Variants in INPP5F observed in about 807,000 individuals in gnomAD.
The protein encoded by INPP5F is phosphatidylinositide 4-phosphatase SAC2.
In INPP5F, 97 loss-of-function variants were observed where a neutral mutation model predicts 137.2. The observed-to-expected ratio is 0.71, with a 90% CI of 0.60 to 0.84. INPP5F has a LOEUF of 0.84. INPP5F is among the 40% of genes least tolerant of loss of function. INPP5F has a pLI of 0.00. For missense variants in INPP5F, 1,271 were observed against 1,371.9 expected, an observed-to-expected ratio of 0.93 and a Z score of 1.16; for synonymous variants, 504 against 476.9, an observed-to-expected ratio of 1.06 and a Z score of -0.74.
intron 1 of INPP5F, among the ~76,000 whole-genome samples, chr10:119,731,840 T>C (rs1422403554): frequency 3.3e-5 from 5 of 152,214 alleles, no homozygotes; most frequent in Admixed American, 3.3e-4. Flanking sequence ...ACTAGTTTTA[T>C]ATCTTATACT....
In INPP5F at chr10:119,796,810, G is replaced by C. The variant is rs2134222634; in HGVS notation, c.765G>C (p.Glu255Asp). ...ATTATACCGAATCATCTGATGATGA[G>C]AAAAGCAGCCCAGAGACCCCCCCTC... ...VVNYTESSDD[E>D]KSSPETPPQE... Residue 255 changes from glutamate (E) to aspartate (D), a missense_variant, in exon 7 of 20, where the codon GAG (glutamate) becomes GAC (aspartate). Physicochemically the swap from Glu to Asp is conservative, Grantham distance 45. Coordinates refer to ENST00000650623, the MANE Select transcript of INPP5F (RefSeq NM_014937.4). 1 of 1,613,462 alleles carries C rather than the reference G, an allele frequency of 6.2e-7. No individual in the cohort carries two copies. The highest frequency in any genetic ancestry group is 8.5e-7 in the Non-Finnish European group (1 of 1,179,706).
At chr10:119,739,490 C>A (rs922989793) in intron 1 of INPP5F, among the ~76,000 whole-genome samples, 1 of 152,104 alleles carries the variant, frequency 6.6e-6, no homozygotes, top group East Asian at 1.9e-4. Flanking sequence ...TTATTTGATG[C>A]TTATTTTTTA....
At chr10:119,822,008 A>G (rs1329706464) in intron 16 of INPP5F, among the ~76,000 whole-genome samples, 1 of 151,404 alleles carries the variant, frequency 6.6e-6, no homozygotes, top group East Asian at 1.9e-4. Flanking sequence ...CTCCTGCTTC[A>G]GCCTCCTGAG....
At position 119,787,559 on chromosome 10, in the gene INPP5F, C is replaced by CA. The variant is rs1258730895; in HGVS notation, c.316-3957dup. 6.8e-6 allele frequency among the ~76,000 whole-genome samples: 1 copy of CA among 147,322 alleles called. No homozygotes were observed. The highest frequency in any genetic ancestry group is 1.5e-5 in the Non-Finnish European group (1 of 67,368). ...CGCCATTGCACTCTAGCTTGGGTGA[C>CA]AGAGTGCGACTCTGTCTCAAAGAAG... is the stretch of plus-strand genomic sequence containing the variant. On this transcript the variant is annotated intron_variant, in intron 3 of 19. Coordinates refer to ENST00000650623, the MANE Select transcript of INPP5F (RefSeq NM_014937.4). The surrounding 1 kb of genome is among the most constrained non-coding windows in gnomAD (Gnocchi z 4.1).
intron 1 of INPP5F, among the ~76,000 whole-genome samples, chr10:119,728,555 A>AT (rs1226785847): frequency 4.6e-5 from 7 of 152,204 alleles, no homozygotes; most frequent in Admixed American, 1.3e-4. Context: ...TAGATTACTA[A>AT]GTCCTTTTCT....
chr10:119,751,137 G>A lies in INPP5F; in HGVS notation c.159G>A (p.Gly53=), dbSNP rs1277594492. The change falls in exon 2 of 20, where the codon GGG becomes GGA. Residue 53 remains glycine (G), a synonymous_variant. Coordinates refer to ENST00000650623, the MANE Select transcript of INPP5F (RefSeq NM_014937.4). ...ICLGLVEGVI[G]KIQLHSDLPW... ...TGGGGTTGGTAGAAGGTGTTATTGG[G>A]AAAATTCAACTTCATTCAGGTATGT... is the stretch of plus-strand genomic sequence containing the variant. The A allele has an allele frequency of 6.2e-7, 1 of 1,607,164 alleles. No homozygotes were observed. Among genetic ancestry groups the A allele is most frequent in the Non-Finnish European group, 8.5e-7 (1 of 1,173,634 alleles).
At chr10:119,744,747 T>G (rs989428669) in intron 1 of INPP5F, among the ~76,000 whole-genome samples, 1 of 152,146 alleles carries the variant, frequency 6.6e-6, no homozygotes, top group African/African-American at 2.4e-5. Flanking sequence ...GATCTTGCTG[T>G]CTTGCCCAAG....
chr10:119,745,310 T>C (rs893202512), intron 1 of INPP5F, among the ~76,000 whole-genome samples: 14 of 152,148 alleles, frequency 9.2e-5, no homozygotes, highest in Admixed American at 2.6e-4. Flanking sequence ...AAGCTCTTTT[T>C]CTTTTTTTGT....
At position 119,822,462 on chromosome 10, in the gene INPP5F, T is replaced by A; in HGVS notation, c.1990T>A (p.Tyr664Asn). ...YDDEVDKVNQ[Y>N]QRLSLENLEK... is the part of the protein sequence containing the mutation. ...TGATGAAGTTGATAAAGTAAACCAG[T>A]ATCAACGACTAAGTCTAGAAAACCT... The change falls in exon 17 of 20, where the codon TAT becomes AAT. Residue 664 changes from tyrosine (Y) to asparagine (N), a missense_variant. Physicochemically the swap from Tyr to Asn is moderately radical, Grantham distance 143 (BLOSUM62 -2). Transcript: ENST00000650623. The A allele has an allele frequency of 6.5e-7, 1 of 1,532,630 alleles. No individual in the cohort carries two copies. Among genetic ancestry groups the A allele is most frequent in the South Asian group, 1.2e-5 (1 of 83,912 alleles). 94.9% of individuals were successfully genotyped at this position (1,532,630 alleles called of 1,614,324 possible).
intron 1 of INPP5F, among the ~76,000 whole-genome samples, chr10:119,734,536 T>C (rs1432853034): frequency 1.3e-5 from 2 of 152,200 alleles, no homozygotes; most frequent in African/African-American, 2.4e-5. Context: ...GGTCTCACTA[T>C]GTTGGCCAGG....
At chr10:119,756,364 G>T (rs761909188) in intron 2 of INPP5F, among the ~76,000 whole-genome samples, 7 of 152,060 alleles carry the variant, frequency 4.6e-5, no homozygotes, top group Non-Finnish European at 1.0e-4. Flanking sequence ...GGCCCGACAT[G>T]GTGACTCACG....
At chr10:119,785,284 C>CTTTTTTTTTTT (rs1440327192) in intron 3 of INPP5F, among the ~76,000 whole-genome samples, 1 of 81,600 alleles carries the variant, frequency 1.2e-5, no homozygotes, top group Admixed American at 1.2e-4. Flanking sequence ...AACTGCCAGA[C>CTTTTTTTTTTT]TGTTTTTTTT....
intron 2 of INPP5F, among the ~76,000 whole-genome samples, chr10:119,755,513 G>A (rs1848814400): frequency 6.6e-6 from 1 of 152,142 alleles, no homozygotes; most frequent in Non-Finnish European, 1.5e-5. Flanking sequence ...GAGGTCCTGG[G>A]AGTTAGGACT....
At chr10:119,815,817 ACT>A (rs1412597698) in intron 15 of INPP5F, 2 of 153,278 alleles carry the variant, frequency 1.3e-5, no homozygotes, top group Non-Finnish European at 2.9e-5. Context: ...AAATTTTGAG[ACT>A]CTCCACTCTG....
At chr10:119,760,427 G>C (rs903976381) in intron 2 of INPP5F, among the ~76,000 whole-genome samples, 6 of 152,114 alleles carry the variant, frequency 3.9e-5, no homozygotes, top group African/African-American at 1.4e-4. Context: ...CTCCAGCCTG[G>C]GCAACCTAGT....
chr10:119,805,627 G>C (rs1850750057), intron 11 of INPP5F, among the ~76,000 whole-genome samples, 166 bp downstream of exon 11: 1 of 152,156 alleles, frequency 6.6e-6, no homozygotes, highest in Non-Finnish European at 1.5e-5. Flanking sequence ...TAGGCAGGTG[G>C]TGTTAGCTTT....
At chr10:119,757,684 G>A (rs1015017255) in intron 2 of INPP5F, among the ~76,000 whole-genome samples, 1 of 151,794 alleles carries the variant, frequency 6.6e-6, no homozygotes, top group Non-Finnish European at 1.5e-5. Context: ...CCAGCCACTC[G>A]GGAGGCTGAG....
At chr10:119,812,714 A>G (rs1851091335) in intron 15 of INPP5F, among the ~76,000 whole-genome samples, 1 of 152,264 alleles carries the variant, frequency 6.6e-6, no homozygotes, top group African/African-American at 2.4e-5. Flanking sequence ...CCATGATATT[A>G]ATCTCATGGA....
At chr10:119,790,750 A>G (rs1850111675) in intron 3 of INPP5F, among the ~76,000 whole-genome samples, 1 of 152,244 alleles carries the variant, frequency 6.6e-6, no homozygotes, top group Non-Finnish European at 1.5e-5. Flanking sequence ...TTGTGTGTAC[A>G]TTTCAGAATA....
Sources: allele counts gnomAD v4.1 joint callset (sites outside exome capture counted in the v4.1 genomes callset), GRCh38; gene constraint gnomAD v4.1.1; non-coding constraint Gnocchi (gnomAD v3.1); transcripts MANE v1.5; gene names NCBI Gene and HGNC (gene_info 2026-07-23, HGNC 2026-07-21).